Variants in ZBBX observed in about 807,000 individuals in gnomAD.
ZBBX encodes zinc finger B-box domain-containing protein 1.
In ZBBX, 101 loss-of-function variants were observed where a neutral mutation model predicts 108.5. That is an observed-to-expected ratio of 0.93 (90% CI 0.79 to 1.10). The LOEUF (loss-of-function observed/expected upper bound fraction) is 1.10, where lower values mean the gene tolerates loss of function less well. ZBBX is among the 50% of genes least tolerant of loss of function. The pLI, the probability that ZBBX is intolerant of heterozygous loss-of-function variation, is 0.00. For missense variants in ZBBX, 1,009 were observed against 941.4 expected (o/e 1.07, Z -0.94); for synonymous variants, 356 against 323.4 (o/e 1.10, Z -1.08).
At chr3:167,192,625 G>T in the ZBBX span, among the ~76,000 whole-genome samples, 1 of 151,942 alleles carries the variant, frequency 6.6e-6, no homozygotes. Context: ...GCATTTTTGA[G>T]GTCATTTTCT....
the ZBBX span, among the ~76,000 whole-genome samples, chr3:167,188,627 A>C: frequency 6.6e-6 from 1 of 152,222 alleles, no homozygotes; most frequent in Non-Finnish European, 1.5e-5. Context: ...AGGTGTTAAG[A>C]CCACAAACAA....
chr3:167,330,866 AGGAGG>A (rs1560136168), intron 10 of ZBBX, among the ~76,000 whole-genome samples: 14 of 84,724 alleles, frequency 1.7e-4, no homozygotes, highest in African/African-American at 8.6e-4. Context: ...GAGGAGGAGG[AGGAGG>A]AGAAGAAGAA....
At chr3:167,230,340 A>C in the ZBBX span, among the ~76,000 whole-genome samples, 1 of 151,822 alleles carries the variant, frequency 6.6e-6, no homozygotes, top group South Asian at 2.1e-4. Context: ...CCAAACACCC[A>C]CTAGTGACAT....
intron 5 of ZBBX, among the ~76,000 whole-genome samples, chr3:167,366,354 C>G (rs1489838756): frequency 4.6e-5 from 7 of 151,688 alleles, no homozygotes; most frequent in Non-Finnish European, 8.9e-5. Flanking sequence ...CAAACCAATA[C>G]CCCAAAATAT....
chr3:167,219,539 A>G, the ZBBX span, among the ~76,000 whole-genome samples: 1 of 152,052 alleles, frequency 6.6e-6, no homozygotes, highest in South Asian at 2.1e-4. Context: ...TAGTAGGTCA[A>G]TGAAGAAATA....
At chr3:167,211,490 C>T in the ZBBX span, among the ~76,000 whole-genome samples, 1 of 152,202 alleles carries the variant, frequency 6.6e-6, no homozygotes, top group African/African-American at 2.4e-5. Context: ...ACAGGCCCCA[C>T]TTCCATAGCC....
At chr3:167,240,943 T>C in intron 21 of ZBBX, 24 bp from the exon 22 acceptor site, 1 of 1,609,486 alleles carries the variant, frequency 6.2e-7, no homozygotes, top group South Asian at 1.1e-5. Context: ...ACAAGATCAA[T>C]ACACAATATA....
chr3:167,345,106 T>C (rs575379236), intron 9 of ZBBX, among the ~76,000 whole-genome samples: 18 of 151,960 alleles, frequency 1.2e-4, no homozygotes, highest in East Asian at 1.2e-3. Flanking sequence ...TGCCCTAAAA[T>C]ACAGTTTTAC....
At chr3:167,388,801 G>GA (rs1191039692) in intron 1 of ZBBX, among the ~76,000 whole-genome samples, 1 of 151,942 alleles carries the variant, frequency 6.6e-6, no homozygotes, top group Non-Finnish European at 1.5e-5. Flanking sequence ...TCAAGCCAAT[G>GA]AGACTCAAAG....
At chr3:167,393,176 G>T (rs1004001098) in intron 1 of ZBBX, among the ~76,000 whole-genome samples, 1 of 151,814 alleles carries the variant, frequency 6.6e-6, no homozygotes, top group Admixed American at 6.6e-5. Context: ...TTGCAGCAAA[G>T]TCTAGCTATA....
chr3:167,190,420 G>T, the ZBBX span, among the ~76,000 whole-genome samples: 2 of 124,436 alleles, frequency 1.6e-5, no homozygotes, highest in Non-Finnish European at 3.1e-5. Context: ...TCTCTCTGTC[G>T]CCCAGGCTGG....
At chr3:167,373,981 C>T (rs1746563791) in intron 2 of ZBBX, among the ~76,000 whole-genome samples, 194 bp from the exon 3 acceptor site, 1 of 152,152 alleles carries the variant, frequency 6.6e-6, no homozygotes, top group Admixed American at 6.5e-5. Flanking sequence ...GTGAAGGATA[C>T]ATTCATTAAA....
At chr3:167,216,382 C>A in the ZBBX span, among the ~76,000 whole-genome samples, 1 of 150,908 alleles carries the variant, frequency 6.6e-6, no homozygotes, top group Non-Finnish European at 1.5e-5. Context: ...TCACAATTAC[C>A]ACAAAAATAA....
rs1317579823 is a variant in ZBBX at position 167,298,609 on chromosome 3, AAAC to A, written c.1726-154_1726-152del. 3 of 482,720 alleles carry A rather than the reference AAAC, an allele frequency of 6.2e-6. No homozygotes were observed. In the Admixed American group the frequency reaches 1.2e-4, roughly 19 times the overall value. The allele number at this position is 482,720 out of a possible 1,614,324, so 29.9% of individuals were successfully genotyped here. On this transcript the variant is annotated intron_variant, in intron 17 of 21. Transcript: ENST00000675490. ...TTTCTAACAGTGGAGACAAATAATAAAACAACATTTATATATAGGAAGTTCTAA... is the reference window on the plus strand; with the variant it reads ...TTTCTAACAGTGGAGACAAATAATAAAACATTTATATATAGGAAGTTCTAA...
intron 8 of ZBBX, 23 bp downstream of exon 8, chr3:167,359,847 T>C (rs781217094): frequency 1.7e-6 from 2 of 1,144,810 alleles, no homozygotes; most frequent in South Asian, 1.6e-5. Flanking sequence ...AGTATATGTA[T>C]ATATACTATA....
At chr3:167,370,613 T>A (rs939163466) in intron 4 of ZBBX, among the ~76,000 whole-genome samples, 3 of 152,192 alleles carry the variant, frequency 2.0e-5, no homozygotes, top group African/African-American at 7.2e-5. Context: ...AAGAGTGGCC[T>A]ACTGACCAAG....
chr3:167,247,821 T>C (rs1265296779), intron 20 of ZBBX, among the ~76,000 whole-genome samples: 1 of 152,152 alleles, frequency 6.6e-6, no homozygotes, highest in Non-Finnish European at 1.5e-5. Flanking sequence ...TGTGAATGAA[T>C]GTGAAACTGT....
At chr3:167,232,128 T>C in the ZBBX span, among the ~76,000 whole-genome samples, 3 of 151,794 alleles carry the variant, frequency 2.0e-5, no homozygotes, top group African/African-American at 7.2e-5. Flanking sequence ...ACATACTTTT[T>C]AGAAATATGA....
chr3:167,362,996 T>C (rs1744766892), intron 6 of ZBBX, among the ~76,000 whole-genome samples: 1 of 151,926 alleles, frequency 6.6e-6, no homozygotes, highest in South Asian at 2.1e-4. Context: ...CCCTCCAACA[T>C]GCTGGCTACT....
Sources: gnomAD v4.1 joint callset for allele counts (sites outside exome capture counted in the v4.1 genomes callset) on GRCh38, gnomAD v4.1.1 for gene constraint, MANE v1.5 for transcripts, NCBI Gene and HGNC (gene_info 2026-07-23, HGNC 2026-07-21) for gene names.